Variants in SPRED2 observed in about 807,000 individuals in gnomAD.
SPRED2 encodes sprouty related EVH1 domain containing 2.
SPRED2 carries 47 observed loss-of-function variants against 43.0 expected under a neutral mutation model. The ratio of observed to expected loss-of-function variants is 1.09; its 90% CI spans 0.87 to 1.40. SPRED2 has a LOEUF of 1.40. Ranked by LOEUF, SPRED2 falls within the 40% of genes most tolerant of loss-of-function variation. The probability of loss-of-function intolerance (pLI) is 0.00; values close to 1 mark genes in which losing one functional copy is unlikely to be tolerated. For missense variants in SPRED2, 561 were observed against 586.4 expected, an observed-to-expected ratio of 0.96 and a Z score of 0.45; for synonymous variants, 225 against 225.7, an observed-to-expected ratio of 1.00 and a Z score of 0.03.
intron 1 of SPRED2, among the ~76,000 whole-genome samples, chr2:65,353,867 A>G (rs967976068): frequency 1.3e-5 from 2 of 152,220 alleles, no homozygotes; most frequent in African/African-American, 4.8e-5. Flanking sequence ...TATACTGCAC[A>G]TTCTGGCACA....
intron 1 of SPRED2, among the ~76,000 whole-genome samples, chr2:65,395,759 A>G (rs1341476073): frequency 6.6e-6 from 1 of 152,172 alleles, no homozygotes; most frequent in African/African-American, 2.4e-5. Flanking sequence ...GCACACAGTA[A>G]TGAACTCAAA....
At chr2:65,396,560 A>G (rs568249779) in intron 1 of SPRED2, among the ~76,000 whole-genome samples, 1 of 152,342 alleles carries the variant, frequency 6.6e-6, no homozygotes, top group Non-Finnish European at 1.5e-5. Context: ...AGCAAAGGCA[A>G]GAGGGAGTTC....
At chr2:65,376,364 C>A (rs1397555625) in intron 1 of SPRED2, among the ~76,000 whole-genome samples, 2 of 152,106 alleles carry the variant, frequency 1.3e-5, no homozygotes, top group African/African-American at 2.4e-5. Context: ...TAAGCAGTGG[C>A]CAGAAGCTTA....
chr2:65,341,417 G>A (rs909054609), intron 2 of SPRED2, among the ~76,000 whole-genome samples: 1 of 152,132 alleles, frequency 6.6e-6, no homozygotes, highest in African/African-American at 2.4e-5. Flanking sequence ...GTGTACACTA[G>A]CAACAAACAA....
chr2:65,353,516 G>GT (rs1190643184), intron 1 of SPRED2, among the ~76,000 whole-genome samples: 1 of 152,172 alleles, frequency 6.6e-6, no homozygotes, highest in African/African-American at 2.4e-5. Flanking sequence ...ACAAGTCAAA[G>GT]TTTGCTAGAC....
At chr2:65,420,125 G>A (rs1263047211) in intron 1 of SPRED2, among the ~76,000 whole-genome samples, 8 of 148,636 alleles carry the variant, frequency 5.4e-5, no homozygotes, top group Non-Finnish European at 1.2e-4. Context: ...TGGGAGGATC[G>A]CTTGAACCCA....
intron 2 of SPRED2, among the ~76,000 whole-genome samples, chr2:65,343,771 A>G (rs186996948): frequency 3.2e-4 from 48 of 152,160 alleles, no homozygotes; most frequent in Non-Finnish European, 4.9e-4. Context: ...ATAAGACCAT[A>G]TATTATGAAG....
chr2:65,335,615 CCTT>C (rs1248989314), intron 2 of SPRED2, among the ~76,000 whole-genome samples: 15 of 152,194 alleles, frequency 9.9e-5, no homozygotes, highest in African/African-American at 3.6e-4. Flanking sequence ...CTCCAATTCT[CCTT>C]CTTGTCATCT....
intron 1 of SPRED2, among the ~76,000 whole-genome samples, chr2:65,356,559 G>T (rs75215673): frequency 0.35 from 13,827 of 39,372 alleles, 1,056 homozygotes; most frequent in East Asian, 0.46. Context: ...TTTTTTTTTT[G>T]TGTGTGTGTA....
At chr2:65,317,079 C>T (rs1310681680) in intron 4 of SPRED2, among the ~76,000 whole-genome samples, 196 bp from the exon 5 acceptor site, 1 of 152,174 alleles carries the variant, frequency 6.6e-6, no homozygotes, top group Non-Finnish European at 1.5e-5. Context: ...CACAATGTGG[C>T]TGGTTCAACA....
chr2:65,338,115 T>G (rs1440603509), intron 2 of SPRED2, among the ~76,000 whole-genome samples: 1 of 151,972 alleles, frequency 6.6e-6, no homozygotes, highest in Non-Finnish European at 1.5e-5. Context: ...CAGGGATGAG[T>G]AAGAGATCTA....
intron 1 of SPRED2, among the ~76,000 whole-genome samples, chr2:65,385,436 T>C (rs1475957182): frequency 6.6e-6 from 1 of 152,212 alleles, no homozygotes; most frequent in Non-Finnish European, 1.5e-5. Flanking sequence ...TTAACCGCCA[T>C]TGTGAACTGG....
intron 1 of SPRED2, among the ~76,000 whole-genome samples, chr2:65,379,834 T>C (rs752817118): frequency 6.6e-6 from 1 of 152,180 alleles, no homozygotes; most frequent in Non-Finnish European, 1.5e-5. Flanking sequence ...CTGTAGGAAA[T>C]AATACAAAGG....
chr2:65,345,509 T>C (rs956998643), intron 1 of SPRED2, among the ~76,000 whole-genome samples: 2 of 152,138 alleles, frequency 1.3e-5, no homozygotes, highest in Non-Finnish European at 2.9e-5. Context: ...GATTTACCCA[T>C]GTTGGCATCC....
At chr2:65,372,231 C>A (rs1675141257) in intron 1 of SPRED2, among the ~76,000 whole-genome samples, 1 of 152,170 alleles carries the variant, frequency 6.6e-6, no homozygotes, top group Non-Finnish European at 1.5e-5. Flanking sequence ...TATTATCACA[C>A]CCGTAAATTC....
intron 1 of SPRED2, among the ~76,000 whole-genome samples, chr2:65,401,937 G>GCGCGCGCGCGCGCGCACACACACA (rs776512353): frequency 1.7e-5 from 2 of 114,714 alleles, no homozygotes; most frequent in Admixed American, 1.6e-4. Context: ...GCGCGCGCGC[G>GCGCGCGCGCGCGCGCACACACACA]CACACACACA....
chr2:65,340,270 G>A (rs578205668), intron 2 of SPRED2, among the ~76,000 whole-genome samples: 1 of 152,274 alleles, frequency 6.6e-6, no homozygotes, highest in Non-Finnish European at 1.5e-5. Context: ...GACCAAAAAA[G>A]TTTAAGAACT....
chr2:65,401,316 T>C (rs1026729178), intron 1 of SPRED2, among the ~76,000 whole-genome samples: 1 of 152,046 alleles, frequency 6.6e-6, no homozygotes, highest in Non-Finnish European at 1.5e-5. Context: ...AGCAGAGATA[T>C]ATACACTTGT....
intron 1 of SPRED2, among the ~76,000 whole-genome samples, chr2:65,352,812 C>T (rs947049709): frequency 3.3e-5 from 5 of 152,024 alleles, no homozygotes; most frequent in Admixed American, 6.6e-5. Context: ...TTAGTTGAGA[C>T]GGGGTTTCAG....
Sources: allele counts gnomAD v4.1 joint callset (sites outside exome capture counted in the v4.1 genomes callset), GRCh38; gene constraint gnomAD v4.1.1; transcripts MANE v1.5; gene names NCBI Gene and HGNC (gene_info 2026-07-23, HGNC 2026-07-21).